SLC26A9: variants seen among roughly 807,000 people sequenced by gnomAD.
The protein encoded by SLC26A9 is anion transporter/exchanger protein 9.
A neutral mutation model predicts 87.1 loss-of-function variants in SLC26A9; 46 were observed. That is an observed-to-expected ratio of 0.53 (90% CI 0.42 to 0.67). The LOEUF (loss-of-function observed/expected upper bound fraction) is 0.67, where lower values mean the gene tolerates loss of function less well. Ranked by LOEUF, SLC26A9 falls within the 30% of genes least tolerant of loss-of-function variation. SLC26A9 has a pLI of 0.00. For synonymous variants in SLC26A9, 437 were observed against 409.1 expected, an observed-to-expected ratio of 1.07 and a Z score of -0.82; for missense variants, 927 against 1,018.3, an observed-to-expected ratio of 0.91 and a Z score of 1.22.
At chr1:205,928,296 T>C (rs532725497) in intron 8 of SLC26A9, 1 of 536,082 alleles carries the variant, frequency 1.9e-6, no homozygotes, top group Non-Finnish European at 3.3e-6. Flanking sequence ...CAGTATGTGG[T>C]AGGGCCTCGT....
At chr1:205,918,761 TG>T (rs1658699072) in intron 19 of SLC26A9, 78 bp downstream of exon 19, 2 of 1,523,404 alleles carry the variant, frequency 1.3e-6, no homozygotes, top group East Asian at 4.6e-5. Context: ...CCTTCTCCTG[TG>T]TTCTTTCTAA....
At position 205,928,054 on chromosome 1, in the gene SLC26A9, C is replaced by A; in HGVS notation, c.954-5G>T. ...GGCGACACCGGGGTGGGGAACCTGC[C>A]GAGGAGCCAGGAAGGAGGCAGAACC... On this transcript the variant is annotated splice_region_variant and splice_polypyrimidine_tract_variant and intron_variant, in intron 8 of 20. Coordinates refer to ENST00000367135, the MANE Select transcript of SLC26A9 (RefSeq NM_052934.4). The A allele has an allele frequency of 1.9e-6, 3 of 1,613,136 alleles. No individual in the cohort carries two copies. Among genetic ancestry groups the A allele is most frequent in the South Asian group, 1.1e-5 (1 of 90,972 alleles).
chr1:205,919,872 G>A (rs1449417928), intron 18 of SLC26A9, among the ~76,000 whole-genome samples: 1 of 152,178 alleles, frequency 6.6e-6, no homozygotes, highest in Non-Finnish European at 1.5e-5. Context: ...TCCCTTGAGA[G>A]ATAAAGTGAC....
chr1:205,919,070 A>G, intron 18 of SLC26A9, 85 bp from the exon 19 acceptor site: 5 of 1,551,612 alleles, frequency 3.2e-6, no homozygotes, highest in Non-Finnish European at 3.5e-6. Flanking sequence ...AGACCAGAGC[A>G]GGGATGGGAG....
At chr1:205,929,439 G>T in intron 6 of SLC26A9, 83 bp from the exon 7 acceptor site, 1 of 1,553,388 alleles carries the variant, frequency 6.4e-7, no homozygotes, top group South Asian at 1.2e-5. Context: ...CCCAGGGAAG[G>T]GATGCCATCA....
rs946286924 is a variant in SLC26A9 at position 205,917,222 on chromosome 1, C to A, written c.2328+61G>T. 3.4e-5 allele frequency: 53 copies of A among 1,567,880 alleles called. No homozygotes were observed. In the East Asian group the frequency reaches 5.2e-4, roughly 15 times the overall value. On this transcript the variant is annotated intron_variant, in intron 20 of 20. Transcript: ENST00000367135. ...TGAGTGAACGCCTTGTATTTGACAG[C>A]GACCCCATCCTTCCCCTCTTCGCCC...
At chr1:205,920,040 A>G (rs1658759171) in intron 18 of SLC26A9, 136 bp downstream of exon 18, 2 of 919,534 alleles carry the variant, frequency 2.2e-6, no homozygotes, top group Admixed American at 2.0e-5. Flanking sequence ...TGAAGCTTTT[A>G]TGAGCAGGCA....
rs1658913810 is a variant in SLC26A9 at position 205,923,178 on chromosome 1, C to G, written c.1677G>C (p.Gln559His). 1 of 1,614,164 alleles carries G rather than the reference C, an allele frequency of 6.2e-7. No individual in the cohort carries two copies. The change falls in exon 16 of 21, where the codon CAG (glutamine) becomes CAC (histidine). Residue 559 changes from glutamine (Q) to histidine (H), a missense_variant. Coordinates refer to ENST00000367135, the MANE Select transcript of SLC26A9 (RefSeq NM_052934.4). ...ATTTTTGCTTGGCTAGTAATACTTT[C>G]TGGGGGTCCATGCCTGTCTGCAGGG... ...KVIAKTGMDP[Q>H]KVLLAKQKYL...
At chr1:205,932,434 G>A (rs1214689705) in intron 4 of SLC26A9, among the ~76,000 whole-genome samples, 3 of 152,184 alleles carry the variant, frequency 2.0e-5, no homozygotes, top group Non-Finnish European at 4.4e-5. Flanking sequence ...GCATGTTATA[G>A]CATATGGTAT....
rs1658489523 is a variant in SLC26A9 at position 205,914,408 on chromosome 1, C to T, written c.*949G>A. On this transcript the variant is annotated 3_prime_UTR_variant, in exon 21 of 21. Transcript: ENST00000367135. ...CTGGGGTCAAGGGGGACTGTCTGGG[C>T]CCAGGTCCCATCCGTTTTCCCTGTG... 1 of 159,896 alleles carries T rather than the reference C, an allele frequency of 6.3e-6. No individual in the cohort carries two copies. Among genetic ancestry groups the T allele is most frequent in the Non-Finnish European group, 1.4e-5 (1 of 72,110 alleles). The allele number at this position is 159,896 out of a possible 1,614,324, so 9.9% of individuals were successfully genotyped here. A position where few individuals can be genotyped will look rare whatever the true frequency, so the allele number is the denominator to read the frequency against.
In SLC26A9 at chr1:205,935,825, G is replaced by C; in HGVS notation, c.-5C>G. On this transcript the variant is annotated 5_prime_UTR_variant, in exon 2 of 21. Coordinates refer to ENST00000367135, the MANE Select transcript of SLC26A9 (RefSeq NM_052934.4). ...GCGGGGCCTGGGCTGGCTCATATCT[G>C]GGGCATTTACAAGCTTTGGGAGAAG... 6.2e-7 allele frequency: 1 copy of C among 1,612,364 alleles called. No individual in the cohort carries two copies. Among genetic ancestry groups the C allele is most frequent in the Non-Finnish European group, 8.5e-7 (1 of 1,178,872 alleles).
Position 205,915,154 on chromosome 1 carries a change from T to G in SLC26A9, c.*203A>C, listed in dbSNP as rs200314801. The G allele has an allele frequency of 5.7e-4, 922 of 1,612,616 alleles. 3 individuals are homozygous for G. Among genetic ancestry groups the G allele is most frequent in the South Asian group, 2.4e-3 (216 of 90,980 alleles). ...CACCAGACTCTCACTCCTGTAAGGG[T>G]AGCACCCCCCTGCTGCTGAGAGGCT... On this transcript the variant is annotated 3_prime_UTR_variant, in exon 21 of 21. Transcript: ENST00000367135.
At chr1:205,920,061 G>T in intron 18 of SLC26A9, 115 bp downstream of exon 18, 1 of 1,150,938 alleles carries the variant, frequency 8.7e-7, no homozygotes, top group Non-Finnish European at 1.3e-6. Context: ...GCAGCTTGTG[G>T]GGGATAGCTG....
At position 205,915,338 on chromosome 1, in the gene SLC26A9, A is replaced by G. The variant is rs751711062; in HGVS notation, c.*19T>C. Reference sequence around the variant, plus strand: ...AAGTGCCAGGCACTCTGTAGGCAGCATGAGGACTGGCTGAGCCCTCACAGG... The same window carrying G: ...AAGTGCCAGGCACTCTGTAGGCAGCGTGAGGACTGGCTGAGCCCTCACAGG... On this transcript the variant is annotated 3_prime_UTR_variant, in exon 21 of 21. Transcript: ENST00000367135. 1 of 1,614,096 alleles carries G rather than the reference A, an allele frequency of 6.2e-7. No individual in the cohort carries two copies. Among genetic ancestry groups the G allele is most frequent in the African/African-American group, 1.3e-5 (1 of 75,054 alleles).
Position 205,915,008 on chromosome 1 carries a change from C to T in SLC26A9, c.*349G>A. The T allele has an allele frequency of 6.2e-7, 1 of 1,614,170 alleles. No individual in the cohort carries two copies. Among genetic ancestry groups the T allele is most frequent in the South Asian group, 1.1e-5 (1 of 91,084 alleles). ...TACTTGTCCTTCTGTTTTTGGCTCACTCGTAAAAGCTGGAAGTCAAGGTGT... is the reference window on the plus strand; with the variant it reads ...TACTTGTCCTTCTGTTTTTGGCTCATTCGTAAAAGCTGGAAGTCAAGGTGT... On this transcript the variant is annotated 3_prime_UTR_variant, in exon 21 of 21. Coordinates refer to ENST00000367135, the MANE Select transcript of SLC26A9 (RefSeq NM_052934.4).
At position 205,936,579 on chromosome 1, in the gene SLC26A9, C is replaced by T. The variant is rs1659518193; in HGVS notation, c.-18-741G>A. Among the ~76,000 whole-genome samples, 3 of 152,194 alleles carry T rather than the reference C, an allele frequency of 2.0e-5. No individual in the cohort carries two copies. The South Asian group carries it at 6.2e-4, about 32-fold the overall frequency. Reference sequence around the variant, plus strand: ...AGCTGAGTGCCAGGGCCCCTGAGGCCCGGAGGAGTTCCCTGTAGGAACCTT... The same window carrying T: ...AGCTGAGTGCCAGGGCCCCTGAGGCTCGGAGGAGTTCCCTGTAGGAACCTT... On this transcript the variant is annotated intron_variant, in intron 1 of 20. Transcript: ENST00000367135.
rs1206483850 is a variant in SLC26A9 at position 205,914,917 on chromosome 1, T to A, written c.*440A>T. On this transcript the variant is annotated 3_prime_UTR_variant, in exon 21 of 21. Transcript: ENST00000367135. ...CTATGTCCGTGACAGCCTGACACCA[T>A]CTGACACCGAGCCGTGTGGGCTCTG... 4 of 1,613,682 alleles carry A rather than the reference T, an allele frequency of 2.5e-6. No homozygotes were observed. Among genetic ancestry groups the A allele is most frequent in the Non-Finnish European group, 3.4e-6 (4 of 1,179,718 alleles).
intron 2 of SLC26A9, among the ~76,000 whole-genome samples, chr1:205,934,694 T>C (rs967229819): frequency 6.6e-6 from 1 of 152,242 alleles, no homozygotes; most frequent in Non-Finnish European, 1.5e-5. Flanking sequence ...GCTTTCATTA[T>C]CCTAATCTTT....
chr1:205,918,852 G>A lies in SLC26A9; in HGVS notation c.2244C>T (p.His748=). The change falls in exon 19 of 21, where the codon CAC becomes CAT. Residue 748 remains histidine, a synonymous_variant. Transcript: ENST00000367135. ...QANARDVTPG[H]NFQGAPGDAE... ...GCAAGAACCTTACCCCTTGGAAGTT[G>A]TGTCCTGGGGTCACGTCTCTAGCAT... The A allele has an allele frequency of 6.2e-7, 1 of 1,613,270 alleles. No individual in the cohort carries two copies. The highest frequency in any genetic ancestry group is 8.5e-7 in the Non-Finnish European group (1 of 1,179,306).
Sources: gnomAD v4.1 joint callset for allele counts (sites outside exome capture counted in the v4.1 genomes callset) on GRCh38, gnomAD v4.1.1 for gene constraint, MANE v1.5 for transcripts, NCBI Gene and HGNC (gene_info 2026-07-23, HGNC 2026-07-21) for gene names.